Variants in VRK2 observed in about 807,000 individuals in gnomAD.
VRK2 encodes the protein VRK serine/threonine kinase 2, also known as serine/threonine-protein kinase VRK2.
A neutral mutation model predicts 57.6 loss-of-function variants in VRK2; 60 were observed. The observed-to-expected ratio is 1.04, with a 90% CI of 0.85 to 1.29. The LOEUF is 1.29. Ranked by LOEUF, VRK2 falls within the 50% of genes most tolerant of loss-of-function variation. VRK2 has a pLI of 0.00. For synonymous variants in VRK2, 231 were observed against 199.2 expected (o/e 1.16, Z -1.35); for missense variants, 705 against 588.1 (o/e 1.20, Z -2.06).
At chr2:58,010,835 A>G (rs116490812) in intron 1 of VRK2, among the ~76,000 whole-genome samples, 2,457 of 152,236 alleles carry the variant, frequency 0.016, 73 homozygotes, top group African/African-American at 0.056. Flanking sequence ...AGGACAGGGA[A>G]TTTTCTATAT....
intron 2 of VRK2, among the ~76,000 whole-genome samples, chr2:58,073,834 G>A (rs1307496626): frequency 1.3e-5 from 2 of 152,018 alleles, no homozygotes; most frequent in East Asian, 1.9e-4. Context: ...ATCCAGCATG[G>A]GAGAATGATG....
intron 1 of VRK2, among the ~76,000 whole-genome samples, chr2:58,011,402 T>C (rs1001511823): frequency 1.3e-5 from 2 of 152,218 alleles, no homozygotes; most frequent in African/African-American, 4.8e-5. Flanking sequence ...CCTCCATTTA[T>C]GGTTGCTTCA....
intron 1 of VRK2, among the ~76,000 whole-genome samples, chr2:57,982,936 T>G (rs980649617): frequency 6.6e-5 from 10 of 152,146 alleles, no homozygotes; most frequent in Non-Finnish European, 1.5e-4. Flanking sequence ...AGCTCAGATG[T>G]CTTTGGGTGT....
At chr2:58,030,949 A>T (rs1298365297) in intron 2 of VRK2, among the ~76,000 whole-genome samples, 4 of 152,078 alleles carry the variant, frequency 2.6e-5, no homozygotes, top group Non-Finnish European at 5.9e-5. Flanking sequence ...AGCTATGCTC[A>T]TCAGTCTGGC....
intron 1 of VRK2, among the ~76,000 whole-genome samples, chr2:57,996,929 T>C (rs1178989935): frequency 6.6e-6 from 1 of 152,104 alleles, no homozygotes; most frequent in Non-Finnish European, 1.5e-5. Context: ...TTATTATATT[T>C]TTTCCAAAAA....
intron 2 of VRK2, among the ~76,000 whole-genome samples, chr2:58,059,665 T>C (rs1241001816): frequency 1.3e-5 from 2 of 151,802 alleles, no homozygotes; most frequent in Non-Finnish European, 2.9e-5. Flanking sequence ...AAATTAGTTA[T>C]TTCAAGATAT....
rs150486745 is a variant in VRK2, at chr2:58,088,509, C to A, written c.450+63C>A. ...TGTTTACTTCTTGCAATATAGAAATCTTTTCCCTTTGTGGAATTATTAGAG... is the reference window on the plus strand; with the variant it reads ...TGTTTACTTCTTGCAATATAGAAATATTTTCCCTTTGTGGAATTATTAGAG... On this transcript the variant is annotated intron_variant, in intron 6 of 12. Transcript: ENST00000340157. 20 of 1,226,748 alleles carry A rather than the reference C, an allele frequency of 1.6e-5. 1 individual carries two copies. In the South Asian group the frequency reaches 2.4e-4, roughly 14 times the overall value. 76.0% of individuals were successfully genotyped at this position (1,226,748 alleles called of 1,614,324 possible).
chr2:58,065,748 TC>T (rs1408453146), intron 2 of VRK2, among the ~76,000 whole-genome samples: 1 of 152,164 alleles, frequency 6.6e-6, no homozygotes, highest in Non-Finnish European at 1.5e-5. Context: ...ACAGCATGTG[TC>T]CTCATTTCTT....
At chr2:57,923,551 A>C (rs1423384132) in intron 1 of VRK2, among the ~76,000 whole-genome samples, 1 of 150,866 alleles carries the variant, frequency 6.6e-6, no homozygotes, top group Non-Finnish European at 1.5e-5. Context: ...GTCTATTCAG[A>C]TCTTTTGTCT....
chr2:58,116,026 A>G (rs931332670), intron 7 of VRK2, among the ~76,000 whole-genome samples: 18 of 152,206 alleles, frequency 1.2e-4, no homozygotes, highest in African/African-American at 4.3e-4. Context: ...TTCTGAACTA[A>G]CTTTTAAGCC....
At chr2:58,086,250 TG>T in intron 4 of VRK2, 88 bp from the exon 5 acceptor site, 6 of 1,130,972 alleles carry the variant, frequency 5.3e-6, no homozygotes, top group Non-Finnish European at 7.7e-6. Context: ...ATTACTTTTT[TG>T]GTTAGCTAAA....
intron 1 of VRK2, among the ~76,000 whole-genome samples, chr2:57,953,170 T>G (rs1272207547): frequency 6.6e-6 from 1 of 152,214 alleles, no homozygotes; most frequent in East Asian, 1.9e-4. Flanking sequence ...ACTACATATT[T>G]ACTTTCCCAT....
intron 1 of VRK2, among the ~76,000 whole-genome samples, chr2:57,968,980 A>G (rs1443732851): frequency 6.6e-6 from 1 of 152,104 alleles, no homozygotes; most frequent in Non-Finnish European, 1.5e-5. Flanking sequence ...TGTCAATATA[A>G]TTGTGCTTAC....
rs1681050815 is a variant in VRK2, at chr2:58,139,757, T to C, written c.948T>C (p.His316=). 2 of 1,613,158 alleles carry C rather than the reference T, an allele frequency of 1.2e-6. No homozygotes were observed. The highest frequency in any genetic ancestry group is 2.2e-5 in the South Asian group (2 of 91,060). The change falls in exon 11 of 13, where the codon CAT becomes CAC. Residue 316 remains histidine, a synonymous_variant. Coordinates refer to ENST00000340157, the MANE Select transcript of VRK2 (RefSeq NM_006296.7). ...YQALKKILNP[H]GIPLGPLDFS... ...CCCTCAAGAAAATTTTGAACCCTCATGGAATACCTTTAGGACCACTGGACT... is the reference window on the plus strand; with the variant it reads ...CCCTCAAGAAAATTTTGAACCCTCACGGAATACCTTTAGGACCACTGGACT...
chr2:58,051,096 C>T (rs1326737904), intron 2 of VRK2, among the ~76,000 whole-genome samples: 4 of 152,214 alleles, frequency 2.6e-5, no homozygotes, highest in African/African-American at 4.8e-5. Context: ...CTGCCCACCT[C>T]GGCCTCCCGA....
In VRK2 at chr2:57,931,072, T is replaced by A. The variant is rs117424144; in HGVS notation, c.-439+23233T>A. 1.1e-4 allele frequency among the ~76,000 whole-genome samples: 17 copies of A among 152,256 alleles called. No individual in the cohort carries two copies. The East Asian group carries it at 3.3e-3, about 29-fold the overall frequency. ...AAGGGACAATTAAGTTGCTTCCATATCTTGACTAGGGTGAATAATGCTGCA... is the reference window on the plus strand; with the variant it reads ...AAGGGACAATTAAGTTGCTTCCATAACTTGACTAGGGTGAATAATGCTGCA... On this transcript the variant is annotated intron_variant, in intron 1 of 15. Transcript: ENST00000417641.
At position 58,159,670 on chromosome 2, in the gene VRK2, T is replaced by C. The variant is rs76348639; in HGVS notation, c.1504T>C (p.Phe502Leu). 1.4e-3 allele frequency: 2,207 copies of C among 1,612,846 alleles called. 26 individuals are homozygous for C. In the African/African-American group the frequency reaches 0.025, roughly 18 times the overall value. The change falls in exon 13 of 13, where the codon TTT becomes CTT. Residue 502 changes from phenylalanine to leucine, a missense_variant. Transcript: ENST00000340157. ...IIIPVLLMLVFLALFFL is the reference protein window; with the variant it reads ...IIIPVLLMLVLLALFFL Reference sequence around the variant, plus strand: ...CATACCTGTCCTTTTGATGTTAGTATTTCTTGCTTTATTTTTTCTCTGAAG... The same window carrying C: ...CATACCTGTCCTTTTGATGTTAGTACTTCTTGCTTTATTTTTTCTCTGAAG...
At chr2:58,011,093 A>C (rs536137558) in intron 1 of VRK2, among the ~76,000 whole-genome samples, 9 of 152,212 alleles carry the variant, frequency 5.9e-5, no homozygotes, top group Non-Finnish European at 2.9e-5. Context: ...AACTTTCCCC[A>C]ATGTATGACA....
chr2:57,983,994 G>A (rs1672514137), intron 1 of VRK2, among the ~76,000 whole-genome samples: 1 of 152,102 alleles, frequency 6.6e-6, no homozygotes, highest in Admixed American at 6.5e-5. Flanking sequence ...GATCACTGGG[G>A]TTCCCATATA....
Sources: gnomAD v4.1 joint callset for allele counts (sites outside exome capture counted in the v4.1 genomes callset) on GRCh38, gnomAD v4.1.1 for gene constraint, MANE v1.5 for transcripts, NCBI Gene and HGNC (gene_info 2026-07-23, HGNC 2026-07-21) for gene names.